KPNA7: variants seen among roughly 807,000 people sequenced by gnomAD.
The protein encoded by KPNA7 is karyopherin subunit alpha 7.
A neutral mutation model predicts 53.7 loss-of-function variants in KPNA7; 54 were observed. The observed-to-expected ratio is 1.01, with a 90% confidence interval of 0.81 to 1.26. KPNA7 has a LOEUF of 1.26. KPNA7 is among the 50% of genes most tolerant of loss of function. The pLI, the probability that KPNA7 is intolerant of heterozygous loss-of-function variation, is 0.00. For missense variants in KPNA7, 640 were observed against 644.5 expected, an observed-to-expected ratio of 0.99 and a Z score of 0.07; for synonymous variants, 276 against 259.3, an observed-to-expected ratio of 1.06 and a Z score of -0.62.
the KPNA7 span, among the ~76,000 whole-genome samples, chr7:99,158,275 T>A: frequency 6.9e-4 from 105 of 152,304 alleles, 4 homozygotes; most frequent in South Asian, 0.02. Flanking sequence ...ATTCACTGGA[T>A]CCTTTAAACT....
intron 1 of KPNA7, among the ~76,000 whole-genome samples, chr7:99,213,419 A>C (rs1319571019): frequency 8.4e-6 from 1 of 119,038 alleles, no homozygotes; most frequent in Non-Finnish European, 1.7e-5. Context: ...GAGCCACTGC[A>C]CCTGGCCTTT....
chr7:99,163,365 A>G, the KPNA7 span, among the ~76,000 whole-genome samples: 266 of 57,044 alleles, frequency 4.7e-3, 3 homozygotes, highest in African/African-American at 0.017. Context: ...GTGTGTATAT[A>G]TATATATATA....
chr7:99,188,271 G>A (rs1376584475), intron 7 of KPNA7, 29 bp downstream of exon 7: 8 of 1,535,766 alleles, frequency 5.2e-6, no homozygotes, highest in Middle Eastern at 3.6e-4. Context: ...CCGAGGACTC[G>A]AATCCACAGG....
chr7:99,154,489 C>T, the KPNA7 span, among the ~76,000 whole-genome samples: 1 of 151,486 alleles, frequency 6.6e-6, no homozygotes. Context: ...GGTCATTTAT[C>T]AGACTTTCAC....
chr7:99,206,658 A>G (rs897909354), intron 2 of KPNA7, among the ~76,000 whole-genome samples: 4 of 151,536 alleles, frequency 2.6e-5, no homozygotes, highest in African/African-American at 9.7e-5. Context: ...GTAGAGTTGG[A>G]GGTCTTGGTA....
chr7:99,165,120 G>A, the KPNA7 span, among the ~76,000 whole-genome samples: 5 of 152,038 alleles, frequency 3.3e-5, no homozygotes, highest in Non-Finnish European at 5.9e-5. Flanking sequence ...CAGCCTGGGC[G>A]ACAGAACACG....
At position 99,188,630 on chromosome 7, in the gene KPNA7, T is replaced by C; in HGVS notation, c.637-67A>G. On this transcript the variant is annotated intron_variant, in intron 6 of 10. Transcript: ENST00000327442. ...AGAAAATGCAAACAGCAGTGTGTTC[T>C]TACCATTTCCAATCAATACCATAGA... 4.1e-6 allele frequency: 6 copies of C among 1,469,570 alleles called. No individual in the cohort carries two copies. In the South Asian group the frequency reaches 7.5e-5, roughly 18 times the overall value. The allele number at this position is 1,469,570 out of a possible 1,614,324, so 91.0% of individuals were successfully genotyped here.
upstream of KPNA7, among the ~76,000 whole-genome samples, chr7:99,208,295 A>G (rs536825882): frequency 2.6e-5 from 4 of 152,018 alleles, no homozygotes; most frequent in East Asian, 5.8e-4. Flanking sequence ...TCACTCTGTC[A>G]CCCAGGCTGG....
the KPNA7 span, among the ~76,000 whole-genome samples, chr7:99,164,365 A>C: frequency 1.3e-5 from 2 of 152,002 alleles, no homozygotes; most frequent in Admixed American, 6.6e-5. Context: ...AGAAACCATC[A>C]TTCTCAGCAA....
In KPNA7 at chr7:99,195,064, T is replaced by A. The variant is rs1311744205; in HGVS notation, c.553+6A>T. ...TTTTCTTAGCCCACTAAGGGGAGAG[T>A]CTCACCGGCTATATTACCAAGAGCC... On this transcript the variant is annotated splice_donor_region_variant and intron_variant, in intron 5 of 10. Transcript: ENST00000327442. 1 of 1,547,844 alleles carries A rather than the reference T, an allele frequency of 6.5e-7. No individual in the cohort carries two copies.
intron 1 of KPNA7, among the ~76,000 whole-genome samples, chr7:99,217,079 A>G (rs1791236759): frequency 6.6e-6 from 1 of 152,204 alleles, no homozygotes; most frequent in Non-Finnish European, 1.5e-5. Flanking sequence ...TGGCTTCTAC[A>G]AAATAGCATT....
In KPNA7 at chr7:99,181,039, C is replaced by CTCTCTGTGTGTGTG; in HGVS notation, c.1317+843_1317+844insCACACACACAGAGA. On this transcript the variant is annotated intron_variant, in intron 9 of 10. Coordinates refer to ENST00000327442, the MANE Select transcript of KPNA7 (RefSeq NM_001145715.3). ...TGTGTGTGTGTCTCTCTGTGTGTGT[C>CTCTCTGTGTGTGTG]TCTCTCTCTCTCTCCGTCTGTGTCT... is the stretch of plus-strand genomic sequence containing the variant. Among the ~76,000 whole-genome samples the CTCTCTGTGTGTGTG allele has an allele frequency of 2.5e-5, 2 of 79,034 alleles. 1 individual carries two copies. Among genetic ancestry groups the CTCTCTGTGTGTGTG allele is most frequent in the Non-Finnish European group, 4.6e-5 (2 of 43,170 alleles). The allele number at this position is 79,034 out of a possible 152,430, so 51.8% of individuals were successfully genotyped here.
the KPNA7 span, among the ~76,000 whole-genome samples, chr7:99,146,823 G>C: frequency 6.7e-6 from 1 of 148,386 alleles, no homozygotes; most frequent in Non-Finnish European, 1.5e-5. Flanking sequence ...AATGTGCACA[G>C]AACACTTTCA....
chr7:99,183,699 T>C (rs1460499916), intron 8 of KPNA7, among the ~76,000 whole-genome samples: 1 of 152,058 alleles, frequency 6.6e-6, no homozygotes, highest in African/African-American at 2.4e-5. Flanking sequence ...AGACTCCACC[T>C]GCCTCCCCAC....
At chr7:99,193,388 C>T (rs34350957) in intron 5 of KPNA7, among the ~76,000 whole-genome samples, 12,958 of 152,184 alleles carry the variant, frequency 0.085, 578 homozygotes, top group South Asian at 0.15. Context: ...CTCAGGAAGA[C>T]GAAGGCTGGT....
At chr7:99,213,278 C>T (rs1399211472) in intron 1 of KPNA7, among the ~76,000 whole-genome samples, 1 of 151,622 alleles carries the variant, frequency 6.6e-6, no homozygotes, top group Non-Finnish European at 1.5e-5. Context: ...AGGCTCACAC[C>T]ACCACACCCC....
chr7:99,209,579 A>G (rs541425149), upstream of KPNA7, among the ~76,000 whole-genome samples: 1 of 144,560 alleles, frequency 6.9e-6, no homozygotes, highest in Non-Finnish European at 1.5e-5. Flanking sequence ...GCTACTCAGG[A>G]GGCTGAGACA....
chr7:99,180,468 A>C (rs1799117858), intron 9 of KPNA7, among the ~76,000 whole-genome samples: 1 of 151,226 alleles, frequency 6.6e-6, no homozygotes, highest in Non-Finnish European at 1.5e-5. Context: ...CAGCACTCCA[A>C]CCTCGGTGGC....
chr7:99,201,576 T>C (rs1469584983), intron 3 of KPNA7, among the ~76,000 whole-genome samples: 2 of 150,988 alleles, frequency 1.3e-5, no homozygotes. Context: ...GGCAGAAGAA[T>C]TGCTTGAACC....
Sources: gnomAD v4.1 joint callset for allele counts (sites outside exome capture counted in the v4.1 genomes callset) on GRCh38, gnomAD v4.1.1 for gene constraint, MANE v1.5 for transcripts, NCBI Gene and HGNC (gene_info 2026-07-23, HGNC 2026-07-21) for gene names.